Variants in BSN observed in about 807,000 individuals in gnomAD.
The protein encoded by BSN is protein bassoon.
In BSN, 57 loss-of-function variants were observed where a neutral mutation model predicts 264.8. The ratio of observed to expected loss-of-function variants is 0.22; its 90% confidence interval spans 0.17 to 0.27. BSN has a LOEUF of 0.27. BSN is among the 10% of genes least tolerant of loss of function. The probability of loss-of-function intolerance (pLI) is 1.00; values close to 1 mark genes in which losing one functional copy is unlikely to be tolerated. For missense variants in BSN, 4,615 were observed against 5,232.5 expected (o/e 0.88, Z 3.64); for synonymous variants, 2,059 against 2,137.3 (o/e 0.96, Z 1.01).
At chr3:49,624,926 C>T in intron 1 of BSN, 49 bp from the exon 2 acceptor site, 3 of 1,468,394 alleles carry the variant, frequency 2.0e-6, no homozygotes, top group Non-Finnish European at 2.7e-6. Flanking sequence ...CCTCCGCAAG[C>T]TGCTTCTCTA....
At chr3:49,664,693 A>G in intron 9 of BSN, 106 bp from the exon 10 acceptor site, 2 of 1,560,236 alleles carry the variant, frequency 1.3e-6, no homozygotes, top group South Asian at 2.3e-5. Context: ...TTCTCCGGGC[A>G]ATCTCTGCCC....
intron 1 of BSN, among the ~76,000 whole-genome samples, chr3:49,606,277 A>T (rs1190144529): frequency 1.2e-5 from 1 of 84,702 alleles, no homozygotes; most frequent in African/African-American, 4.4e-5. Context: ...AATATATATT[A>T]AAAATATATA....
intron 1 of BSN, among the ~76,000 whole-genome samples, chr3:49,583,670 G>A (rs926828327): frequency 8.5e-5 from 13 of 152,168 alleles, no homozygotes; most frequent in Admixed American, 1.3e-4. Context: ...ATTCACCAGT[G>A]AAGACAACTG....
intron 5 of BSN, among the ~76,000 whole-genome samples, chr3:49,658,746 C>T (rs1239405310): frequency 2.6e-5 from 4 of 152,206 alleles, no homozygotes; most frequent in Non-Finnish European, 4.4e-5. Context: ...TCTGCCCCTA[C>T]CTGGCCCTCG....
In BSN at chr3:49,560,672, C is replaced by T. The variant is rs954084981; in HGVS notation, c.224+5846C>T. Among the ~76,000 whole-genome samples, 5 of 152,172 alleles carry T rather than the reference C, an allele frequency of 3.3e-5. No homozygotes were observed. The East Asian group carries it at 9.6e-4, about 29-fold the overall frequency. On this transcript the variant is annotated intron_variant, in intron 1 of 11. Transcript: ENST00000296452. ...GCATGTCATGCTGGTATTGATCCTG[C>T]ATTTGTAGCACTTGCCCGAGCTCCT...
At chr3:49,582,620 G>A (rs1477683929) in intron 1 of BSN, among the ~76,000 whole-genome samples, 1 of 152,150 alleles carries the variant, frequency 6.6e-6, no homozygotes, top group Non-Finnish European at 1.5e-5. Context: ...CAATTTGGAT[G>A]TCCTTTATTT....
chr3:49,645,162 G>C (rs2052495666), intron 3 of BSN, among the ~76,000 whole-genome samples: 1 of 152,178 alleles, frequency 6.6e-6, no homozygotes, highest in African/African-American at 2.4e-5. Flanking sequence ...CTGAAAGAAA[G>C]CTGGGGGATG....
At chr3:49,609,089 CTTT>C (rs35003449) in intron 1 of BSN, among the ~76,000 whole-genome samples, 8 of 89,006 alleles carry the variant, frequency 9.0e-5, no homozygotes, top group Admixed American at 2.9e-4. Context: ...GTTAAATTGA[CTTT>C]TTTTTTTTTT....
rs368823399 is a variant in BSN at position 49,662,282 on chromosome 3, G to T, written c.10437G>T (p.Ala3479=). Residue 3479 remains alanine, a synonymous_variant, in exon 6 of 12, where the codon GCG becomes GCT. Coordinates refer to ENST00000296452, the MANE Select transcript of BSN (RefSeq NM_003458.4). ...AGGCTGTGGAGCGACTTCAAAAAGC[G>T]GGCCCCAAGCCCTCATCCCTAAGTA... ...EREAVERLQK[A]GPKPSSLSMA... 1.2e-6 allele frequency: 2 copies of T among 1,613,934 alleles called. No individual in the cohort carries two copies. Among genetic ancestry groups the T allele is most frequent in the Non-Finnish European group, 1.7e-6 (2 of 1,179,946 alleles).
chr3:49,664,659 A>C (rs1253434384), intron 9 of BSN, 105 bp downstream of exon 9: 1 of 1,539,512 alleles, frequency 6.5e-7, no homozygotes, highest in Non-Finnish European at 8.8e-7. Context: ...CCAGCCAGAG[A>C]GCCCACCTGC....
chr3:49,652,864 C>T lies in BSN; in HGVS notation c.3308C>T (p.Ala1103Val). Residue 1103 changes from alanine to valine, a missense_variant, in exon 5 of 12, where the codon GCC (alanine) becomes GTC (valine). Ala to Val is a moderately conservative substitution (Grantham distance 64). Transcript: ENST00000296452. ...PPSNLSPIED[A>V]SPTEELRQAA... Reference sequence around the variant, plus strand: ...AGTAACTTGTCACCCATCGAGGATGCCTCCCCGACGGAGGAGCTGAGGCAG... The same window carrying T: ...AGTAACTTGTCACCCATCGAGGATGTCTCCCCGACGGAGGAGCTGAGGCAG... 1 of 1,606,914 alleles carries T rather than the reference C, an allele frequency of 6.2e-7. No homozygotes were observed. The highest frequency in any genetic ancestry group is 8.5e-7 in the Non-Finnish European group (1 of 1,175,634).
At chr3:49,659,772 C>A (rs1009528861) in intron 5 of BSN, among the ~76,000 whole-genome samples, 1 of 152,104 alleles carries the variant, frequency 6.6e-6, no homozygotes, top group African/African-American at 2.4e-5. Context: ...ATAGGACTTA[C>A]GGGTGCACTG....
intron 8 of BSN, 140 bp from the exon 9 acceptor site, chr3:49,664,278 TTCTTC>T (rs1255749143): frequency 7.4e-6 from 8 of 1,080,690 alleles, no homozygotes; most frequent in Non-Finnish European, 9.5e-6. Context: ...TGTTCTTACC[TTCTTC>T]TCTTTATTTC....
Position 49,554,800 on chromosome 3 carries a change from C to T in BSN, c.198C>T (p.Gly66=), listed in dbSNP as rs1575422084. The T allele has an allele frequency of 7.4e-6, 9 of 1,219,162 alleles. No homozygotes were observed. The highest frequency in any genetic ancestry group is 4.1e-5 in the South Asian group (1 of 24,382). The allele number at this position is 1,219,162 out of a possible 1,614,324, so 75.5% of individuals were successfully genotyped here. The change falls in exon 1 of 12, where the codon GGC becomes GGT. Residue 66 remains glycine (G), a synonymous_variant. Transcript: ENST00000296452. ...CACCGGTCCCTGGCCCCGGCCCCGG[C>T]CCCGGTCCCGGCCCTGGCCCGGGCA... is the stretch of plus-strand genomic sequence containing the variant. ...AVPPVPGPGP[G]PGPGPGPGST...
At chr3:49,563,974 C>T (rs908298332) in intron 1 of BSN, among the ~76,000 whole-genome samples, 12 of 152,166 alleles carry the variant, frequency 7.9e-5, no homozygotes, top group Non-Finnish European at 1.3e-4. Flanking sequence ...GTTTAGCAGG[C>T]GCTCACTGTA....
chr3:49,563,822 T>C (rs2312462), intron 1 of BSN, among the ~76,000 whole-genome samples: 115,902 of 152,160 alleles, frequency 0.76, 44,456 homozygotes, highest in East Asian at 0.99. Context: ...CCAAGATCAG[T>C]GGCCTTTGGT....
intron 2 of BSN, among the ~76,000 whole-genome samples, chr3:49,639,316 A>G (rs2108069426): frequency 6.7e-6 from 1 of 149,366 alleles, no homozygotes; most frequent in East Asian, 2.0e-4. Context: ...CTCCTGTCTC[A>G]GCCTCCCAAG....
intron 1 of BSN, among the ~76,000 whole-genome samples, chr3:49,583,891 C>G (rs2108017807): frequency 6.6e-6 from 1 of 151,084 alleles, no homozygotes; most frequent in South Asian, 2.1e-4. Flanking sequence ...ATTTATTTAT[C>G]AAGATGGAGT....
intron 1 of BSN, among the ~76,000 whole-genome samples, chr3:49,613,133 A>G (rs1173442554): frequency 1.3e-5 from 2 of 152,024 alleles, no homozygotes; most frequent in Non-Finnish European, 2.9e-5. Flanking sequence ...AACTCCATCT[A>G]AAGAAAACAA....
Sources: allele counts gnomAD v4.1 joint callset (sites outside exome capture counted in the v4.1 genomes callset), GRCh38; gene constraint gnomAD v4.1.1; transcripts MANE v1.5; gene names NCBI Gene and HGNC (gene_info 2026-07-23, HGNC 2026-07-21).